Variants in SMURF1 observed in about 807,000 individuals in gnomAD.
SMURF1 encodes E3 ubiquitin-protein ligase SMURF1.
SMURF1 carries 44 observed loss-of-function variants against 98.0 expected under a neutral mutation model. The ratio of observed to expected loss-of-function variants is 0.45; its 90% CI spans 0.35 to 0.58. SMURF1 has a LOEUF of 0.58. Among genes scored for constraint, SMURF1 ranks in the 20% least tolerant of loss-of-function variants. SMURF1 has a pLI of 0.00. For missense variants in SMURF1, 687 were observed against 938.4 expected (o/e 0.73, Z 3.50); for synonymous variants, 396 against 374.9 (o/e 1.06, Z -0.65).
chr7:99,126,142 T>C (rs1797738478), intron 1 of SMURF1, among the ~76,000 whole-genome samples: 3 of 152,208 alleles, frequency 2.0e-5, no homozygotes, highest in Admixed American at 6.5e-5. Context: ...AGACAGTCTT[T>C]TTCAATACTC....
intron 5 of SMURF1, among the ~76,000 whole-genome samples, chr7:99,055,336 C>CA (rs1006846497): frequency 1.3e-5 from 2 of 151,706 alleles, no homozygotes; most frequent in African/African-American, 4.8e-5. Flanking sequence ...GGCATGGTGG[C>CA]ACACACTTGT....
intron 1 of SMURF1, among the ~76,000 whole-genome samples, chr7:99,072,920 T>C (rs1190310698): frequency 6.6e-6 from 1 of 152,214 alleles, no homozygotes; most frequent in African/African-American, 2.4e-5. Flanking sequence ...GGTAAAATAA[T>C]TATGCTCAAC....
chr7:99,052,098 G>A, intron 7 of SMURF1, 107 bp downstream of exon 7: 1 of 1,418,962 alleles, frequency 7.0e-7, no homozygotes, highest in African/African-American at 1.4e-5. Context: ...TCATGCCACT[G>A]CACTCCAGCA....
intron 11 of SMURF1, among the ~76,000 whole-genome samples, 177 bp from the exon 12 acceptor site, chr7:99,042,409 C>T (rs1795421340): frequency 6.6e-6 from 1 of 152,086 alleles, no homozygotes; most frequent in Non-Finnish European, 1.5e-5. Flanking sequence ...GAGTAGCTGG[C>T]ACTACAGGCA....
At chr7:99,060,569 C>T (rs548085876) in intron 3 of SMURF1, 30 bp downstream of exon 3, 29 of 1,532,818 alleles carry the variant, frequency 1.9e-5, no homozygotes, top group East Asian at 6.8e-5. Flanking sequence ...CCTGCCGCTC[C>T]GCATGGGGCT....
chr7:99,086,350 GA>G lies in SMURF1; in HGVS notation c.56-24514del, dbSNP rs57080561. On this transcript the variant is annotated intron_variant, in intron 1 of 17. Transcript: ENST00000361368. ...AACAGAGTGAGACTCTCTCAAAAAGGAAAAAAAAAGAAAGAAAGAAATACCA... is the reference window on the plus strand; with the variant it reads ...AACAGAGTGAGACTCTCTCAAAAAGGAAAAAAAAGAAAGAAAGAAATACCA... 2.3e-3 allele frequency among the ~76,000 whole-genome samples: 321 copies of G among 140,110 alleles called. 1 individual carries two copies. Among genetic ancestry groups the G allele is most frequent in the Non-Finnish European group, 4.2e-3 (270 of 64,090 alleles). 91.9% of individuals were successfully genotyped at this position (140,110 alleles called of 152,430 possible). A position where few individuals can be genotyped will look rare whatever the true frequency, so the allele number is the denominator to read the frequency against.
intron 1 of SMURF1, among the ~76,000 whole-genome samples, chr7:99,134,131 G>A (rs553504375): frequency 2.0e-4 from 29 of 142,350 alleles, no homozygotes; most frequent in Admixed American, 8.7e-4. Context: ...ACAGGGTCTC[G>A]CTCTGTAAGG....
rs536047568 is a variant in SMURF1, at chr7:99,132,523, G to A, written c.55+11203C>T. 7.2e-5 allele frequency among the ~76,000 whole-genome samples: 11 copies of A among 152,284 alleles called. No homozygotes were observed. In the East Asian group the frequency reaches 2.1e-3, roughly 29 times the overall value. ...ACAAAAATACCATGAAGTGGTGAGT[G>A]CTATGAAGACAGCAGAATAGGCTGC... On this transcript the variant is annotated intron_variant, in intron 1 of 17. Transcript: ENST00000361368.
chr7:99,078,115 T>TA (rs1245799176), intron 1 of SMURF1, among the ~76,000 whole-genome samples: 1 of 151,846 alleles, frequency 6.6e-6, no homozygotes, highest in Non-Finnish European at 1.5e-5. Flanking sequence ...CCTGGCCAAA[T>TA]ATGGTGAAAC....
In SMURF1 at chr7:99,030,462, A is replaced by G. The variant is rs922791303; in HGVS notation, c.*122T>C. 1.7e-5 allele frequency: 14 copies of G among 816,170 alleles called. No homozygotes were observed. The African/African-American group carries it at 2.2e-4, about 13-fold the overall frequency. The allele number at this position is 816,170 out of a possible 1,614,324, so 50.6% of individuals were successfully genotyped here. A position where few individuals can be genotyped will look rare whatever the true frequency, so the allele number is the denominator to read the frequency against. On this transcript the variant is annotated 3_prime_UTR_variant, in exon 18 of 18. Coordinates refer to ENST00000361368, the MANE Select transcript of SMURF1 (RefSeq NM_181349.3). ...TCCCCCAACAGAAAGGAGAGAGACAACCCTTTCCCCTCAGGTGATCTGGAA... is the reference window on the plus strand; with the variant it reads ...TCCCCCAACAGAAAGGAGAGAGACAGCCCTTTCCCCTCAGGTGATCTGGAA...
rs540643744 is a variant in SMURF1, at chr7:99,126,616, T to C, written c.55+17110A>G. 2.8e-4 allele frequency among the ~76,000 whole-genome samples: 42 copies of C among 152,222 alleles called. No homozygotes were observed. In the East Asian group the frequency reaches 7.5e-3, roughly 27 times the overall value. On this transcript the variant is annotated intron_variant, in intron 1 of 17. Coordinates refer to ENST00000361368, the MANE Select transcript of SMURF1 (RefSeq NM_181349.3). ...GTTGCAGTGAGCTGAGATTGCGCCA[T>C]TGCACTCCAGCCTGGGCGACAGAGC...
chr7:99,101,358 C>CA (rs1797076025), intron 1 of SMURF1, among the ~76,000 whole-genome samples: 1 of 152,138 alleles, frequency 6.6e-6, no homozygotes, highest in African/African-American at 2.4e-5. Flanking sequence ...GGTGATAGAA[C>CA]AAGACCCTGT....
chr7:99,036,124 T>C lies in SMURF1; in HGVS notation c.1810-408A>G, dbSNP rs372980102. 558 of 225,480 alleles carry C rather than the reference T, an allele frequency of 2.5e-3. 10 individuals carry two copies. In the South Asian group the frequency reaches 0.027, roughly 11 times the overall value. The allele number at this position is 225,480 out of a possible 1,614,324, so 14.0% of individuals were successfully genotyped here. On this transcript the variant is annotated intron_variant, in intron 15 of 17. Coordinates refer to ENST00000361368, the MANE Select transcript of SMURF1 (RefSeq NM_181349.3). ...GTTTCAAGTCTGAAGAGAGGAGAAT[T>C]CAGCAAGAGTTAGGTGGGGCTGGGG...
intron 7 of SMURF1, 95 bp from the exon 8 acceptor site, chr7:99,051,536 A>C: frequency 2.1e-6 from 2 of 952,032 alleles, no homozygotes; most frequent in Non-Finnish European, 3.4e-6. Flanking sequence ...TATTATCTAA[A>C]TCTAGATAAC....
At chr7:99,135,728 T>C (rs944028821) in intron 1 of SMURF1, among the ~76,000 whole-genome samples, 4 of 152,242 alleles carry the variant, frequency 2.6e-5, no homozygotes, top group African/African-American at 9.6e-5. Context: ...TTTACATAAA[T>C]GTGTGAAAAC....
chr7:99,124,732 A>G (rs1298904428), intron 1 of SMURF1, among the ~76,000 whole-genome samples: 1 of 152,210 alleles, frequency 6.6e-6, no homozygotes, highest in African/African-American at 2.4e-5. Context: ...TAGTACTTCT[A>G]AGAAGGTTTT....
chr7:99,066,998 CT>C (rs376242285), intron 1 of SMURF1, among the ~76,000 whole-genome samples: 60,256 of 121,218 alleles, frequency 0.5, 13,818 homozygotes, highest in African/African-American at 0.74. Flanking sequence ...ATTTTTTTTT[CT>C]TTTTTTTTTT....
Position 99,040,512 on chromosome 7 carries a change from C to T in SMURF1, c.1416G>A (p.Leu472=). 6.5e-7 allele frequency: 1 copy of T among 1,549,658 alleles called. No individual in the cohort carries two copies. The highest frequency in any genetic ancestry group is 8.7e-7 in the Non-Finnish European group (1 of 1,148,288). The part of the protein sequence containing the change: ...YFHFVGRIMG[L]AVFHGHYING... ...TGATGTAGTGTCCATGGAACACAGCCAGCCCCATGATCCGCCCCACAAAGT... is the reference window on the plus strand; with the variant it reads ...TGATGTAGTGTCCATGGAACACAGCTAGCCCCATGATCCGCCCCACAAAGT... Residue 472 remains leucine (L), a synonymous_variant, in exon 13 of 18, where the codon CTG becomes CTA. Coordinates refer to ENST00000361368, the MANE Select transcript of SMURF1 (RefSeq NM_181349.3).
intron 1 of SMURF1, chr7:99,081,222 T>G (rs1328796098): frequency 1.3e-5 from 2 of 152,148 alleles, no homozygotes; most frequent in Admixed American, 1.3e-4. Flanking sequence ...AAAATAAATC[T>G]TGGGTCAGGT....
Sources: gnomAD v4.1 joint callset for allele counts (sites outside exome capture counted in the v4.1 genomes callset) on GRCh38, gnomAD v4.1.1 for gene constraint, MANE v1.5 for transcripts, NCBI Gene and HGNC (gene_info 2026-07-23, HGNC 2026-07-21) for gene names.